CSMD1: variants seen among roughly 807,000 people sequenced by gnomAD.
CSMD1 encodes CUB and Sushi multiple domains 1.
Under a neutral mutation model 417.5 loss-of-function variants are expected in CSMD1, and 213 were observed. The ratio of observed to expected loss-of-function variants is 0.51; its 90% CI spans 0.46 to 0.57. CSMD1 has a LOEUF of 0.57. CSMD1 is among the 20% of genes least tolerant of loss of function. The pLI is 0.00. For missense variants in CSMD1, 6,923 were observed against 4,529.7 expected, an observed-to-expected ratio of 1.53 and a Z score of -15.17; for synonymous variants, 2,862 against 1,736.8, an observed-to-expected ratio of 1.65 and a Z score of -16.11.
intron 1 of CSMD1, among the ~76,000 whole-genome samples, chr8:4,875,185 T>C (rs974510965): frequency 6.6e-6 from 1 of 151,992 alleles, no homozygotes; most frequent in African/African-American, 2.4e-5. Context: ...CGTGTCTCTT[T>C]CTCTGTACAG....
intron 7 of CSMD1, among the ~76,000 whole-genome samples, chr8:3,674,754 C>T (rs374391880): frequency 1.6e-4 from 25 of 152,240 alleles, no homozygotes; most frequent in African/African-American, 5.8e-4. Context: ...CCCAACTTCA[C>T]TCTTCAAAAA....
chr8:3,481,131 G>T (rs374050108), intron 11 of CSMD1, among the ~76,000 whole-genome samples: 2 of 141,888 alleles, frequency 1.4e-5, no homozygotes, highest in African/African-American at 5.3e-5. Flanking sequence ...CTCCAGCCTG[G>T]GCAACAGAGC....
chr8:4,884,847 GT>G (rs780789408), intron 1 of CSMD1, among the ~76,000 whole-genome samples: 12 of 151,798 alleles, frequency 7.9e-5, no homozygotes, highest in Non-Finnish European at 1.6e-4. Flanking sequence ...GGTATTTGGG[GT>G]TCTCTTGAAT....
At chr8:4,185,422 G>A (rs11136709) in intron 3 of CSMD1, among the ~76,000 whole-genome samples, 3 of 152,050 alleles carry the variant, frequency 2.0e-5, no homozygotes, top group Admixed American at 1.3e-4. Context: ...AAACATACAC[G>A]TGTGAGCTTG....
At chr8:3,812,568 T>C (rs1801147113) in intron 5 of CSMD1, among the ~76,000 whole-genome samples, 1 of 152,160 alleles carries the variant, frequency 6.6e-6, no homozygotes, top group African/African-American at 2.4e-5. Context: ...TCGGAGACCT[T>C]GCTTATGAGG....
At chr8:3,413,799 C>A (rs984261926) in intron 12 of CSMD1, among the ~76,000 whole-genome samples, 11 of 152,002 alleles carry the variant, frequency 7.2e-5, no homozygotes, top group African/African-American at 2.2e-4. Context: ...GTGTGTCAAA[C>A]CCCCTTCTCT....
At chr8:3,823,282 T>C (rs1339110099) in intron 5 of CSMD1, among the ~76,000 whole-genome samples, 1 of 152,198 alleles carries the variant, frequency 6.6e-6, no homozygotes, top group African/African-American at 2.4e-5. Context: ...CCAGATAATG[T>C]CTGGAATCGC....
chr8:4,324,197 C>T (rs1199253129), intron 3 of CSMD1, among the ~76,000 whole-genome samples: 1 of 152,212 alleles, frequency 6.6e-6, no homozygotes, highest in Non-Finnish European at 1.5e-5. Flanking sequence ...ACAAAGTAAA[C>T]TGTGTCATCG....
chr8:3,446,136 T>C (rs1370488517), intron 12 of CSMD1, among the ~76,000 whole-genome samples: 1 of 152,000 alleles, frequency 6.6e-6, no homozygotes, highest in Non-Finnish European at 1.5e-5. Flanking sequence ...TAGAATTGAC[T>C]GCAAGAAAGG....
chr8:4,796,749 G>A (rs764732003), intron 1 of CSMD1, among the ~76,000 whole-genome samples: 1 of 152,178 alleles, frequency 6.6e-6, no homozygotes, highest in South Asian at 2.1e-4. Context: ...TTTTATTTCA[G>A]TGGAGCCGAA....
chr8:4,024,275 G>A (rs887157646), intron 4 of CSMD1, among the ~76,000 whole-genome samples: 2 of 152,128 alleles, frequency 1.3e-5, no homozygotes, highest in African/African-American at 4.8e-5. Flanking sequence ...GTTCACAACG[G>A]ATAAAGCATG....
intron 5 of CSMD1, among the ~76,000 whole-genome samples, chr8:3,913,437 G>A (rs1395709347): frequency 1.3e-5 from 2 of 152,116 alleles, no homozygotes; most frequent in Non-Finnish European, 1.5e-5. Context: ...GAAGCAACCA[G>A]CGAAGGGAAA....
At chr8:3,906,112 G>T (rs1184315440) in intron 5 of CSMD1, among the ~76,000 whole-genome samples, 1 of 152,128 alleles carries the variant, frequency 6.6e-6, no homozygotes, top group South Asian at 2.1e-4. Flanking sequence ...CCTCAGAGTT[G>T]CTGTGGGAAT....
chr8:4,151,837 A>C (rs913847209), intron 3 of CSMD1, among the ~76,000 whole-genome samples: 1 of 152,188 alleles, frequency 6.6e-6, no homozygotes, highest in African/African-American at 2.4e-5. Flanking sequence ...ATATAGCATG[A>C]ATCAATTATA....
intron 10 of CSMD1, among the ~76,000 whole-genome samples, chr8:3,562,435 C>A (rs11136642): frequency 0.44 from 53,782 of 120,924 alleles, 9,872 homozygotes; most frequent in Middle Eastern, 0.56. Context: ...TGCACACACA[C>A]GTGCACATAC....
intron 10 of CSMD1, among the ~76,000 whole-genome samples, chr8:3,539,135 C>G (rs905484076): frequency 6.6e-6 from 1 of 152,210 alleles, no homozygotes; most frequent in Non-Finnish European, 1.5e-5. Flanking sequence ...GACCGCTTGT[C>G]TTTCCCTTCC....
intron 2 of CSMD1, among the ~76,000 whole-genome samples, chr8:4,445,301 C>G (rs944746892): frequency 6.6e-6 from 1 of 152,144 alleles, no homozygotes; most frequent in Non-Finnish European, 1.5e-5. Context: ...TTAGTTATAT[C>G]TGCCTCATTA....
intron 1 of CSMD1, among the ~76,000 whole-genome samples, chr8:4,855,397 G>C (rs1018993271): frequency 6.6e-6 from 1 of 152,140 alleles, no homozygotes; most frequent in African/African-American, 2.4e-5. Flanking sequence ...ACCAGCAACG[G>C]AACAAAGCTG....
chr8:4,258,255 T>G (rs950921042), intron 3 of CSMD1, among the ~76,000 whole-genome samples: 1 of 143,312 alleles, frequency 7.0e-6, no homozygotes, highest in Non-Finnish European at 1.5e-5. Context: ...CCTTCCTATC[T>G]TAAAGGCCTG....
Sources: allele counts gnomAD v4.1 joint callset (sites outside exome capture counted in the v4.1 genomes callset), GRCh38; gene constraint gnomAD v4.1.1; transcripts MANE v1.5; gene names NCBI Gene and HGNC (gene_info 2026-07-23, HGNC 2026-07-21).